The following APBB2 variants were observed in gnomAD, a reference collection of about 807,000 sequenced individuals.
APBB2 encodes Fe65-like 1.
APBB2 carries 38 observed loss-of-function variants against 82.5 expected under a neutral mutation model. The ratio of observed to expected loss-of-function variants is 0.46; its 90% confidence interval spans 0.36 to 0.60. APBB2 has a LOEUF of 0.60. Ranked by LOEUF, APBB2 falls within the 20% of genes least tolerant of loss-of-function variation. The pLI, the probability that APBB2 is intolerant of heterozygous loss-of-function variation, is 0.00. For missense variants in APBB2, 772 were observed against 972.3 expected (o/e 0.79, Z 2.74); for synonymous variants, 341 against 368.2 (o/e 0.93, Z 0.85).
At chr4:40,915,328 C>A (rs1779578904) in intron 10 of APBB2, among the ~76,000 whole-genome samples, 1 of 152,216 alleles carries the variant, frequency 6.6e-6, no homozygotes, top group African/African-American at 2.4e-5. Flanking sequence ...CATAGTAAGT[C>A]TTTTCACCTG....
At chr4:41,104,967 G>C (rs1397699992) in intron 2 of APBB2, among the ~76,000 whole-genome samples, 2 of 152,126 alleles carry the variant, frequency 1.3e-5, no homozygotes, top group African/African-American at 4.8e-5. Context: ...GCATATTTAA[G>C]TGATGTGTCC....
At chr4:41,064,573 T>TCACA (rs1731032334) in intron 4 of APBB2, among the ~76,000 whole-genome samples, 1 of 152,120 alleles carries the variant, frequency 6.6e-6, no homozygotes, top group Non-Finnish European at 1.5e-5. Flanking sequence ...AAGAAGTAAG[T>TCACA]CTGAGACACA....
At chr4:40,819,165 C>T (rs972938831) in intron 17 of APBB2, among the ~76,000 whole-genome samples, 2 of 149,850 alleles carry the variant, frequency 1.3e-5, no homozygotes, top group Non-Finnish European at 2.9e-5. Context: ...TAAGTCCCTC[C>T]CCTTGGCTCT....
At chr4:41,133,450 T>C (rs1756654531) in intron 2 of APBB2, among the ~76,000 whole-genome samples, 1 of 152,190 alleles carries the variant, frequency 6.6e-6, no homozygotes, top group Non-Finnish European at 1.5e-5. Flanking sequence ...AATCAACCCC[T>C]AGCAGACCAA....
At chr4:40,889,675 C>T (rs763153798) in intron 12 of APBB2, among the ~76,000 whole-genome samples, 1 of 152,198 alleles carries the variant, frequency 6.6e-6, no homozygotes, top group Non-Finnish European at 1.5e-5. Context: ...GTGATAACTG[C>T]TATTTTATTA....
Position 41,066,614 on chromosome 4 carries a change from C to A in APBB2, c.-148-941G>T, listed in dbSNP as rs145925778. Among the ~76,000 whole-genome samples the A allele has an allele frequency of 1.4e-3, 212 of 152,284 alleles. 1 individual carries two copies. Among genetic ancestry groups the A allele is most frequent in the African/African-American group, 4.4e-3 (181 of 41,562 alleles). On this transcript the variant is annotated intron_variant, in intron 3 of 17. Coordinates refer to ENST00000508593, the MANE Select transcript of APBB2 (RefSeq NM_004307.2). ...CCTTCCAAGAAAAGGGGATGCCTAG[C>A]ATGTCCTAAGGCTGGGTAGGAGTTA...
In APBB2 at chr4:40,931,930, C is replaced by T. The variant is rs114128691; in HGVS notation, c.1254+2526G>A. Among the ~76,000 whole-genome samples the T allele has an allele frequency of 7.1e-3, 1,086 of 152,040 alleles. 16 individuals carry two copies. The highest frequency in any genetic ancestry group is 0.067 in the South Asian group (324 of 4,816). Reference sequence around the variant, plus strand: ...TTAAAACTAAGCACAGCTTTAGGAACGTAAGACAAAGCTGAGCTTCCTTAC... The same window carrying T: ...TTAAAACTAAGCACAGCTTTAGGAATGTAAGACAAAGCTGAGCTTCCTTAC... On this transcript the variant is annotated intron_variant, in intron 10 of 17. Transcript: ENST00000508593.
intron 13 of APBB2, among the ~76,000 whole-genome samples, chr4:40,828,282 T>G (rs1750641837): frequency 6.6e-6 from 1 of 152,212 alleles, no homozygotes. Flanking sequence ...CACTTTATAC[T>G]CCTGTTCTCC....
At chr4:40,840,456 G>T (rs187881148) in intron 12 of APBB2, among the ~76,000 whole-genome samples, 142 of 152,284 alleles carry the variant, frequency 9.3e-4, no homozygotes, top group African/African-American at 3.3e-3. Flanking sequence ...GGCCAATCCA[G>T]AATGACCCCC....
chr4:41,192,714 G>A lies in APBB2; in HGVS notation c.-417+21691C>T, dbSNP rs531801413. ...GGATGAACAAGACTAGGAATCTAAC[G>A]AACTGTACTATATTTGGGATTCCTG... is the stretch of plus-strand genomic sequence containing the variant. On this transcript the variant is annotated intron_variant, in intron 1 of 17. Coordinates refer to ENST00000508593, the MANE Select transcript of APBB2 (RefSeq NM_004307.2). Among the ~76,000 whole-genome samples, 11 of 152,230 alleles carry A rather than the reference G, an allele frequency of 7.2e-5. No individual in the cohort carries two copies. In the East Asian group the frequency reaches 1.2e-3, roughly 16 times the overall value.
chr4:41,109,468 T>C (rs1327541675), intron 2 of APBB2, among the ~76,000 whole-genome samples: 1 of 151,746 alleles, frequency 6.6e-6, no homozygotes, highest in Non-Finnish European at 1.5e-5. Flanking sequence ...TTTTTGGTTG[T>C]TTTGTTTTTT....
chr4:41,213,192 A>T (rs1227278287), intron 1 of APBB2, among the ~76,000 whole-genome samples: 1 of 152,146 alleles, frequency 6.6e-6, no homozygotes, highest in Non-Finnish European at 1.5e-5. Context: ...CAAATGATAA[A>T]CCCATGCCAA....
intron 10 of APBB2, among the ~76,000 whole-genome samples, chr4:40,903,927 G>C (rs1198312495): frequency 6.6e-6 from 1 of 152,150 alleles, no homozygotes; most frequent in Admixed American, 6.5e-5. Flanking sequence ...TAATCATATA[G>C]CCCACATACT....
At chr4:41,110,627 ATTTTTATCC>A (rs1748869181) in intron 2 of APBB2, among the ~76,000 whole-genome samples, 1 of 151,052 alleles carries the variant, frequency 6.6e-6, no homozygotes, top group Non-Finnish European at 1.5e-5. Flanking sequence ...AAAAGACCTC[ATTTTTATCC>A]TTATCATGTA....
rs757601123 is a variant in APBB2 at position 40,827,154 on chromosome 4, C to G, written c.1710G>C (p.Val570=). ...ACSSLQERAN[V]NLDVPLQVDF... Reference sequence around the variant, plus strand: ...TACCTTGCAAAGGGACATCGAGGTTCACATTGGCCCTTTCCTGTAAGGAGC... The same window carrying G: ...TACCTTGCAAAGGGACATCGAGGTTGACATTGGCCCTTTCCTGTAAGGAGC... Residue 570 remains valine (V), a synonymous_variant, in exon 14 of 18, where the codon GTG becomes GTC. Coordinates refer to ENST00000508593, the MANE Select transcript of APBB2 (RefSeq NM_004307.2). 5 of 1,614,188 alleles carry G rather than the reference C, an allele frequency of 3.1e-6. No individual in the cohort carries two copies. The South Asian group carries it at 5.5e-5, about 18-fold the overall frequency.
intron 6 of APBB2, among the ~76,000 whole-genome samples, chr4:40,986,254 G>A (rs886328160): frequency 3.3e-5 from 5 of 152,164 alleles, no homozygotes; most frequent in South Asian, 2.1e-4. Context: ...AATACTGTAC[G>A]TAATAAGAGA....
intron 6 of APBB2, among the ~76,000 whole-genome samples, chr4:40,960,744 G>A (rs559303167): frequency 5.6e-4 from 85 of 152,094 alleles, no homozygotes; most frequent in South Asian, 4.8e-3. Context: ...ACCGTGCCCC[G>A]CCACTTTTTT....
At chr4:40,972,392 C>T (rs1796144231) in intron 6 of APBB2, among the ~76,000 whole-genome samples, 2 of 150,594 alleles carry the variant, frequency 1.3e-5, no homozygotes, top group South Asian at 2.1e-4. Context: ...GGCGCCACTG[C>T]GCTCCAGCCT....
At chr4:41,089,312 T>A (rs192550940) in intron 3 of APBB2, among the ~76,000 whole-genome samples, 1 of 152,338 alleles carries the variant, frequency 6.6e-6, no homozygotes, top group East Asian at 1.9e-4. Flanking sequence ...TAATTACCAG[T>A]TAATCATCCC....
Sources: gnomAD v4.1 joint callset for allele counts (sites outside exome capture counted in the v4.1 genomes callset) on GRCh38, gnomAD v4.1.1 for gene constraint, MANE v1.5 for transcripts, NCBI Gene and HGNC (gene_info 2026-07-23, HGNC 2026-07-21) for gene names.